SH3RF1: variants seen among roughly 807,000 people sequenced by gnomAD.
The protein encoded by SH3RF1 is SH3 domain containing ring finger 1, also known as E3 ubiquitin-protein ligase SH3RF1.
SH3RF1 carries 32 observed loss-of-function variants against 74.0 expected under a neutral mutation model. The ratio of observed to expected loss-of-function variants is 0.43; its 90% CI spans 0.33 to 0.58. The LOEUF (loss-of-function observed/expected upper bound fraction) is 0.58. Among genes scored for constraint, SH3RF1 ranks in the 20% least tolerant of loss-of-function variants. The probability of loss-of-function intolerance (pLI) is 0.05; values close to 1 mark genes in which losing one functional copy is unlikely to be tolerated. For missense variants in SH3RF1, 954 were observed against 1,130.9 expected (o/e 0.84, Z 2.24); for synonymous variants, 396 against 439.6 (o/e 0.90, Z 1.24).
chr4:169,121,026 A>G, intron 7 of SH3RF1, 37 bp from the exon 8 acceptor site: 1 of 1,556,822 alleles, frequency 6.4e-7, no homozygotes. Context: ...CAGGTTGAGT[A>G]ACAGACAAAT....
At chr4:169,130,638 CT>C (rs1733603706) in intron 5 of SH3RF1, among the ~76,000 whole-genome samples, 1 of 152,166 alleles carries the variant, frequency 6.6e-6, no homozygotes, top group Admixed American at 6.5e-5. Flanking sequence ...TGACTTCTAC[CT>C]TTCGGTGGGG....
chr4:169,226,454 T>C (rs1197733369), intron 2 of SH3RF1, among the ~76,000 whole-genome samples: 1 of 150,436 alleles, frequency 6.6e-6, no homozygotes, highest in Non-Finnish European at 1.5e-5. Flanking sequence ...CATGGAATGT[T>C]ATAATGAAGA....
chr4:169,102,956 C>T (rs572941262), intron 11 of SH3RF1, among the ~76,000 whole-genome samples: 1 of 123,208 alleles, frequency 8.1e-6, no homozygotes, highest in African/African-American at 3.0e-5. Flanking sequence ...GAGTCTCGCT[C>T]TGTCAGGCTG....
intron 2 of SH3RF1, among the ~76,000 whole-genome samples, chr4:169,178,371 G>GC (rs1295207700): frequency 2.4e-4 from 14 of 59,290 alleles, no homozygotes; most frequent in South Asian, 5.5e-4. Flanking sequence ...AATAAGCATT[G>GC]TTATGTTTTG....
chr4:169,139,900 T>G (rs1365863380), intron 4 of SH3RF1, among the ~76,000 whole-genome samples: 2 of 152,258 alleles, frequency 1.3e-5, no homozygotes. Context: ...AGGTCTCTTT[T>G]AGCTCTCCAC....
chr4:169,119,888 GT>G (rs1359505517), intron 8 of SH3RF1, among the ~76,000 whole-genome samples: 2 of 152,186 alleles, frequency 1.3e-5, no homozygotes, highest in African/African-American at 4.8e-5. Flanking sequence ...CTCCCTCAGT[GT>G]TGATTTCATT....
chr4:169,165,016 G>C (rs909380549), intron 2 of SH3RF1, among the ~76,000 whole-genome samples: 2 of 152,162 alleles, frequency 1.3e-5, no homozygotes, highest in Non-Finnish European at 2.9e-5. Context: ...TTAGTTTTCT[G>C]TTTCATCACA....
intron 4 of SH3RF1, among the ~76,000 whole-genome samples, chr4:169,155,137 C>G (rs1296114695): frequency 6.6e-6 from 1 of 152,176 alleles, no homozygotes; most frequent in Admixed American, 6.5e-5. Flanking sequence ...AAACTTTTCT[C>G]CATCTTACTT....
At chr4:169,097,037 T>C in intron 11 of SH3RF1, among the ~76,000 whole-genome samples, 1 of 152,182 alleles carries the variant, frequency 6.6e-6, no homozygotes, top group East Asian at 1.9e-4. Context: ...CTCCCTCTTC[T>C]CCAAGGAAAC....
chr4:169,136,508 G>C lies in SH3RF1; in HGVS notation c.878C>G (p.Ser293Cys). 6.2e-7 allele frequency: 1 copy of C among 1,613,970 alleles called. No homozygotes were observed. Among genetic ancestry groups the C allele is most frequent in the Non-Finnish European group, 8.5e-7 (1 of 1,179,960 alleles). Reference sequence around the variant, plus strand: ...CTTTTTGGTGTTCTTCTTGGTGTCGGAGTGCTTTGGGGCAGTGCTGCTCTG... The same window carrying C: ...CTTTTTGGTGTTCTTCTTGGTGTCGCAGTGCTTTGGGGCAGTGCTGCTCTG... The part of the protein sequence containing the change: ...AAQSSTAPKH[S>C]DTKKNTKKRH... The change falls in exon 5 of 12, where the codon TCC becomes TGC. Residue 293 changes from serine (S) to cysteine (C), a missense_variant. Ser to Cys is a moderately radical substitution (Grantham distance 112). Around this residue, in one of 3 missense-constraint regions of SH3RF1, gnomAD observed 854 missense variants for 962.5 expected, o/e 0.89. Transcript: ENST00000284637.
Position 169,136,802 on chromosome 4 carries a change from TA to T in SH3RF1, c.766-183del, listed in dbSNP as rs778289420. ...CTCAATATTGGGACTTCATTGTATC[TA>T]TATCACAGGTAGATATTAAATCAAG... On this transcript the variant is annotated intron_variant, in intron 4 of 11. Coordinates refer to ENST00000284637, the MANE Select transcript of SH3RF1 (RefSeq NM_020870.4). Among the ~76,000 whole-genome samples the T allele has an allele frequency of 4.0e-4, 61 of 152,340 alleles. 1 individual carries two copies. Among genetic ancestry groups the T allele is most frequent in the Non-Finnish European group, 7.9e-4 (54 of 68,032 alleles).
rs545357819 is a variant in SH3RF1 at position 169,155,178 on chromosome 4, A to G, written c.765+302T>C. Among the ~76,000 whole-genome samples the G allele has an allele frequency of 1.7e-3, 266 of 152,334 alleles. 1 individual carries two copies. The highest frequency in any genetic ancestry group is 5.9e-3 in the African/African-American group (247 of 41,580). On this transcript the variant is annotated intron_variant, in intron 4 of 11. Coordinates refer to ENST00000284637, the MANE Select transcript of SH3RF1 (RefSeq NM_020870.4). The stretch of plus-strand genomic sequence containing the variant: ...CTTTATCAACTTTCTACTCCCACCA[A>G]AGCCAGCAAATGGAATAAACAGGAA...
intron 2 of SH3RF1, among the ~76,000 whole-genome samples, chr4:169,160,107 T>C (rs1385233800): frequency 6.6e-6 from 1 of 152,106 alleles, no homozygotes; most frequent in Admixed American, 6.6e-5. Context: ...TTATGGCCTG[T>C]TTTTTTCCCT....
intron 10 of SH3RF1, among the ~76,000 whole-genome samples, chr4:169,113,779 A>G (rs985112639): frequency 1.3e-5 from 2 of 152,220 alleles, no homozygotes; most frequent in African/African-American, 4.8e-5. Flanking sequence ...TTGGAACACT[A>G]AATGAGGTAG....
chr4:169,213,634 T>G (rs968278778), intron 2 of SH3RF1, among the ~76,000 whole-genome samples: 4 of 152,130 alleles, frequency 2.6e-5, no homozygotes, highest in Non-Finnish European at 4.4e-5. Flanking sequence ...CTTCTTGGAG[T>G]TTCATAGTTT....
At chr4:169,241,889 T>C (rs1019479576) in intron 2 of SH3RF1, among the ~76,000 whole-genome samples, 4 of 152,124 alleles carry the variant, frequency 2.6e-5, no homozygotes, top group Non-Finnish European at 5.9e-5. Context: ...CTAAGTCTGT[T>C]ACCAGACTTG....
intron 2 of SH3RF1, among the ~76,000 whole-genome samples, chr4:169,187,375 T>A (rs566884621): frequency 3.7e-4 from 56 of 152,250 alleles, no homozygotes; most frequent in African/African-American, 1.2e-3. Context: ...TAACTTTTTG[T>A]GGAGATGGGG....
At chr4:169,176,434 T>G (rs1274021323) in intron 2 of SH3RF1, among the ~76,000 whole-genome samples, 1 of 152,252 alleles carries the variant, frequency 6.6e-6, no homozygotes, top group African/African-American at 2.4e-5. Context: ...AATATGATTT[T>G]AGAATATTTT....
At chr4:169,234,010 T>G (rs952191413) in intron 2 of SH3RF1, among the ~76,000 whole-genome samples, 9 of 152,134 alleles carry the variant, frequency 5.9e-5, no homozygotes, top group Admixed American at 2.6e-4. Context: ...AAAGCACTCC[T>G]GATTTTTTGT....
Sources: allele counts gnomAD v4.1 joint callset (sites outside exome capture counted in the v4.1 genomes callset), GRCh38; gene constraint gnomAD v4.1.1; regional missense constraint gnomAD v4.1.1; transcripts MANE v1.5; gene names NCBI Gene and HGNC (gene_info 2026-07-23, HGNC 2026-07-21).